Variants in RORB observed in about 807,000 individuals in gnomAD.
The protein encoded by RORB is nuclear receptor ROR-beta.
Under a neutral mutation model 59.1 loss-of-function variants are expected in RORB, and 6 were observed. The ratio of observed to expected loss-of-function variants is 0.10; its 90% CI spans 0.06 to 0.20. The LOEUF (loss-of-function observed/expected upper bound fraction) is 0.20. RORB is among the 10% of genes least tolerant of loss of function. RORB has a pLI of 1.00. For synonymous variants in RORB, 215 were observed against 204.5 expected, an observed-to-expected ratio of 1.05 and a Z score of -0.44; for missense variants, 320 against 560.5, an observed-to-expected ratio of 0.57 and a Z score of 4.33.
intron 1 of RORB, among the ~76,000 whole-genome samples, chr9:74,613,649 C>CGAT (rs1823266671): frequency 6.6e-6 from 1 of 152,174 alleles, no homozygotes; most frequent in Non-Finnish European, 1.5e-5. Flanking sequence ...AATGGGCATC[C>CGAT]ACAGCTGAGA....
At chr9:74,636,172 G>A (rs934285520) in intron 3 of RORB, among the ~76,000 whole-genome samples, 1 of 152,070 alleles carries the variant, frequency 6.6e-6, no homozygotes, top group Non-Finnish European at 1.5e-5. Context: ...TAAGAGAGAG[G>A]ATTAAGTAGT....
chr9:74,591,039 C>T (rs995369169), intron 1 of RORB, among the ~76,000 whole-genome samples: 1 of 152,178 alleles, frequency 6.6e-6, no homozygotes, highest in Admixed American at 6.5e-5. Context: ...TCGTGATCCA[C>T]CCACATCAGC....
intron 4 of RORB, among the ~76,000 whole-genome samples, chr9:74,646,777 G>A (rs1190115414): frequency 2.0e-5 from 3 of 152,130 alleles, no homozygotes; most frequent in Non-Finnish European, 4.4e-5. Flanking sequence ...CACTTGAGAA[G>A]AGCAGAACGA....
At chr9:74,524,609 C>T (rs959300588) in intron 1 of RORB, among the ~76,000 whole-genome samples, 2 of 151,868 alleles carry the variant, frequency 1.3e-5, no homozygotes, top group African/African-American at 4.8e-5. Context: ...TCAAAATATG[C>T]CTGTGGTATC....
Position 74,535,904 on chromosome 9 carries a change from G to A in RORB, c.7+37921G>A, listed in dbSNP as rs534669565. The stretch of plus-strand genomic sequence containing the variant: ...GAAAATAAAATGGCATAGGATTTTA[G>A]GGTTGTTGTTGTTGTTGATTATCTA... On this transcript the variant is annotated intron_variant, in intron 1 of 9. Transcript: ENST00000376896. 2.0e-5 allele frequency among the ~76,000 whole-genome samples: 3 copies of A among 151,954 alleles called. No individual in the cohort carries two copies. The South Asian group carries it at 6.2e-4, about 32-fold the overall frequency.
intron 1 of RORB, among the ~76,000 whole-genome samples, chr9:74,563,289 G>A (rs185874929): frequency 1.3e-5 from 2 of 150,506 alleles, no homozygotes; most frequent in East Asian, 2.0e-4. Flanking sequence ...AGATTCAAGC[G>A]ATTCTTCTGC....
chr9:74,579,793 C>A lies in RORB; in HGVS notation c.8-50489C>A, dbSNP rs186705500. ...TCTCATCTGTCAGTGGACAGAGTTTCTTTCTGGGAAGCCTTATCTGACCAC... is the reference window on the plus strand; with the variant it reads ...TCTCATCTGTCAGTGGACAGAGTTTATTTCTGGGAAGCCTTATCTGACCAC... On this transcript the variant is annotated intron_variant, in intron 1 of 9. Coordinates refer to ENST00000376896, the MANE Select transcript of RORB (RefSeq NM_006914.4). Among the ~76,000 whole-genome samples, 253 of 152,254 alleles carry A rather than the reference C, an allele frequency of 1.7e-3. 2 individuals carry two copies. The highest frequency in any genetic ancestry group is 5.4e-3 in the African/African-American group (223 of 41,558).
chr9:74,535,172 A>C (rs4745335), intron 1 of RORB, among the ~76,000 whole-genome samples: 1 of 151,824 alleles, frequency 6.6e-6, no homozygotes, highest in Non-Finnish European at 1.5e-5. Context: ...GTGTGTGTGT[A>C]TGTGTGTGTC....
intron 1 of RORB, among the ~76,000 whole-genome samples, chr9:74,505,131 G>A (rs551745881): frequency 3.3e-5 from 5 of 152,228 alleles, no homozygotes; most frequent in Admixed American, 2.6e-4. Flanking sequence ...TGAAATAAAT[G>A]AGTATTATTA....
chr9:74,566,611 A>G (rs921811349), intron 1 of RORB, among the ~76,000 whole-genome samples: 8 of 152,146 alleles, frequency 5.3e-5, no homozygotes, highest in African/African-American at 1.9e-4. Flanking sequence ...AGCCTGGCCA[A>G]CATGGTGAAA....
At chr9:74,574,490 ATAG>A (rs1159191053) in intron 1 of RORB, among the ~76,000 whole-genome samples, 4 of 152,122 alleles carry the variant, frequency 2.6e-5, no homozygotes, top group Non-Finnish European at 4.4e-5. Context: ...AATTGCATAA[ATAG>A]TAGCATTAAG....
At chr9:74,557,818 C>CT (rs1186183277) in intron 1 of RORB, among the ~76,000 whole-genome samples, 5 of 151,558 alleles carry the variant, frequency 3.3e-5, no homozygotes, top group Non-Finnish European at 5.9e-5. Context: ...TGTCTTGTTC[C>CT]TTTTTTTTGG....
At chr9:74,549,348 G>A (rs1826553042) in intron 1 of RORB, among the ~76,000 whole-genome samples, 1 of 151,570 alleles carries the variant, frequency 6.6e-6, no homozygotes, top group African/African-American at 2.4e-5. Context: ...GGAGGCTGAG[G>A]CAGGGGAATC....
intron 1 of RORB, among the ~76,000 whole-genome samples, chr9:74,521,565 A>G (rs1046458864): frequency 9.2e-5 from 14 of 151,958 alleles, no homozygotes; most frequent in Non-Finnish European, 1.6e-4. Flanking sequence ...CAATATCTCT[A>G]TGATAAATAG....
At chr9:74,530,107 T>C (rs936199414) in intron 1 of RORB, among the ~76,000 whole-genome samples, 2 of 152,004 alleles carry the variant, frequency 1.3e-5, no homozygotes, top group Non-Finnish European at 2.9e-5. Flanking sequence ...TACAAATCTC[T>C]GAGATAAATC....
intron 3 of RORB, among the ~76,000 whole-genome samples, chr9:74,635,653 T>C (rs1427584060): frequency 1.3e-5 from 2 of 152,118 alleles, no homozygotes; most frequent in Admixed American, 6.6e-5. Flanking sequence ...TAAATGTTTG[T>C]TGAATAAACT....
chr9:74,617,243 CGTAA>C (rs1338447882), intron 1 of RORB, among the ~76,000 whole-genome samples: 3 of 152,228 alleles, frequency 2.0e-5, no homozygotes, highest in East Asian at 1.9e-4. Flanking sequence ...ATGGAACAAC[CGTAA>C]GTATCTCCAT....
At chr9:74,558,038 G>A (rs1039232218) in intron 1 of RORB, among the ~76,000 whole-genome samples, 21 of 151,896 alleles carry the variant, frequency 1.4e-4, no homozygotes, top group African/African-American at 4.4e-4. Flanking sequence ...CCTACCCTCC[G>A]GAGCAAACAA....
At chr9:74,601,654 A>G (rs1407845) in intron 1 of RORB, among the ~76,000 whole-genome samples, 47,263 of 151,984 alleles carry the variant, frequency 0.31, 7,524 homozygotes, top group Non-Finnish European at 0.35. Flanking sequence ...AAAATTTTCA[A>G]TATGGAAGGA....
Sources: allele counts gnomAD v4.1 joint callset (sites outside exome capture counted in the v4.1 genomes callset), GRCh38; gene constraint gnomAD v4.1.1; transcripts MANE v1.5; gene names NCBI Gene and HGNC (gene_info 2026-07-23, HGNC 2026-07-21).